COL24A1: variants seen among roughly 807,000 people sequenced by gnomAD.
The protein encoded by COL24A1 is collagen alpha-1(XXIV) chain.
A neutral mutation model predicts 253.9 loss-of-function variants in COL24A1; 224 were observed. That is an observed-to-expected ratio of 0.88 (90% CI 0.79 to 0.99). The LOEUF (loss-of-function observed/expected upper bound fraction) is 0.99. COL24A1 is among the 50% of genes least tolerant of loss of function. The pLI is 0.00. For synonymous variants in COL24A1, 685 were observed against 673.7 expected, an observed-to-expected ratio of 1.02 and a Z score of -0.26; for missense variants, 2,131 against 2,068.5, an observed-to-expected ratio of 1.03 and a Z score of -0.59.
chr1:85,997,262 G>A (rs1694920085), intron 19 of COL24A1, among the ~76,000 whole-genome samples: 1 of 151,550 alleles, frequency 6.6e-6, no homozygotes, highest in South Asian at 2.1e-4. Flanking sequence ...GCAAAGGCAC[G>A]TTTAAAACTG....
At chr1:85,734,558 AG>A (rs1378071243) in intron 59 of COL24A1, among the ~76,000 whole-genome samples, 190 bp downstream of exon 59, 1 of 152,206 alleles carries the variant, frequency 6.6e-6, no homozygotes, top group Non-Finnish European at 1.5e-5. Flanking sequence ...GTATGACACA[AG>A]TTGATAAGGT....
At chr1:86,002,116 T>C (rs1695473678) in intron 19 of COL24A1, among the ~76,000 whole-genome samples, 1 of 152,224 alleles carries the variant, frequency 6.6e-6, no homozygotes, top group Non-Finnish European at 1.5e-5. Flanking sequence ...AAGAGGAGCA[T>C]AAAAGGCAGA....
At chr1:86,089,373 G>T in intron 6 of COL24A1, 146 bp from the exon 7 acceptor site, 1 of 696,428 alleles carries the variant, frequency 1.4e-6, no homozygotes, top group East Asian at 2.9e-5. Context: ...TGTTTCTGAG[G>T]CTTCCTGCCT....
chr1:85,761,068 G>A (rs1379328446), intron 55 of COL24A1, among the ~76,000 whole-genome samples: 1 of 152,102 alleles, frequency 6.6e-6, no homozygotes, highest in African/African-American at 2.4e-5. Context: ...AAAAAGGAGA[G>A]TGAAGATGTA....
chr1:86,134,742 G>C (rs76519538), intron 2 of COL24A1, among the ~76,000 whole-genome samples: 1 of 6,566 alleles, frequency 1.5e-4, no homozygotes, highest in African/African-American at 2.0e-4. Context: ...GTTCTTTTAC[G>C]TTTGCCGAGG....
At chr1:86,111,387 A>G (rs577689190) in intron 5 of COL24A1, among the ~76,000 whole-genome samples, 439 of 152,200 alleles carry the variant, frequency 2.9e-3, no homozygotes, top group Non-Finnish European at 4.6e-3. Context: ...GGGGACTTGG[A>G]GAACTTTTAT....
chr1:85,768,101 C>A (rs924056475), intron 53 of COL24A1, among the ~76,000 whole-genome samples: 7 of 151,994 alleles, frequency 4.6e-5, no homozygotes, highest in South Asian at 2.1e-4. Context: ...GAGCAGAGAC[C>A]TGAATATTGA....
At chr1:85,915,873 C>T (rs11578980) in intron 24 of COL24A1, among the ~76,000 whole-genome samples, 10,077 of 152,068 alleles carry the variant, frequency 0.066, 659 homozygotes, top group Admixed American at 0.2. Flanking sequence ...AGGCTAGTCT[C>T]GAACTCCAGA....
chr1:85,927,394 C>A (rs4634934), intron 24 of COL24A1, among the ~76,000 whole-genome samples: 1 of 147,502 alleles, frequency 6.8e-6, no homozygotes, highest in Non-Finnish European at 1.5e-5. Context: ...AACGGCGCAC[C>A]ACGAGACTAT....
intron 24 of COL24A1, among the ~76,000 whole-genome samples, chr1:85,958,581 C>T (rs1185033433): frequency 1.3e-5 from 2 of 152,076 alleles, no homozygotes; most frequent in African/African-American, 2.4e-5. Context: ...TATGGAAGAA[C>T]CTATTTGAGT....
At chr1:85,825,750 T>C (rs1267480703) in intron 43 of COL24A1, among the ~76,000 whole-genome samples, 2 of 137,522 alleles carry the variant, frequency 1.5e-5, no homozygotes, top group Admixed American at 7.6e-5. Context: ...TCATGTCCTT[T>C]GCCCACTTTT....
chr1:85,882,613 A>G (rs1681993163), intron 32 of COL24A1, among the ~76,000 whole-genome samples: 1 of 152,216 alleles, frequency 6.6e-6, no homozygotes, highest in Non-Finnish European at 1.5e-5. Context: ...ATATTTTATA[A>G]ATGTAAATTA....
intron 19 of COL24A1, among the ~76,000 whole-genome samples, chr1:85,991,516 C>G (rs542670691): frequency 1.6e-3 from 244 of 152,124 alleles, no homozygotes; most frequent in Middle Eastern, 3.2e-3. Context: ...TAGTCTTGAC[C>G]TGTGTGGTAG....
chr1:85,851,244 CTTT>C lies in COL24A1; in HGVS notation c.3301-1841_3301-1839del, dbSNP rs1424498218. On this transcript the variant is annotated intron_variant, in intron 37 of 59. Coordinates refer to ENST00000370571, the MANE Select transcript of COL24A1 (RefSeq NM_152890.7). ...TACTTTATGTGTTCTCCTGAAACTTCTTTTTAACACATTTTTGTTTTGAAATTA... is the reference window on the plus strand; with the variant it reads ...TACTTTATGTGTTCTCCTGAAACTTCTTAACACATTTTTGTTTTGAAATTA... Among the ~76,000 whole-genome samples the C allele has an allele frequency of 2.0e-5, 3 of 151,980 alleles. No homozygotes were observed. In the East Asian group the frequency reaches 5.8e-4, roughly 29 times the overall value.
intron 45 of COL24A1, among the ~76,000 whole-genome samples, chr1:85,820,477 C>T (rs1445017156): frequency 1.3e-5 from 2 of 152,184 alleles, no homozygotes; most frequent in Non-Finnish European, 2.9e-5. Context: ...GGTCAAAATA[C>T]TTCTGGCAGG....
intron 2 of COL24A1, among the ~76,000 whole-genome samples, chr1:86,136,569 A>C (rs1650284546): frequency 6.6e-6 from 1 of 152,102 alleles, no homozygotes; most frequent in Admixed American, 6.6e-5. Flanking sequence ...CCATTTCACA[A>C]ATGAAAAATC....
intron 19 of COL24A1, among the ~76,000 whole-genome samples, chr1:85,998,302 G>A (rs1695055843): frequency 6.6e-6 from 1 of 152,066 alleles, no homozygotes; most frequent in Non-Finnish European, 1.5e-5. Context: ...TGTACTCCAT[G>A]CCCCTGGTTC....
At chr1:85,889,924 T>C (rs1038160488) in intron 31 of COL24A1, among the ~76,000 whole-genome samples, 3 of 152,084 alleles carry the variant, frequency 2.0e-5, no homozygotes, top group Admixed American at 2.0e-4. Context: ...TTTTTTTCTA[T>C]TTCCTGGCAA....
intron 55 of COL24A1, among the ~76,000 whole-genome samples, chr1:85,756,916 A>G (rs866771966): frequency 1.5e-4 from 23 of 152,248 alleles, no homozygotes; most frequent in Non-Finnish European, 3.4e-4. Flanking sequence ...AAAGAGATGA[A>G]CCCTGAAGAT....
Sources: allele counts gnomAD v4.1 joint callset (sites outside exome capture counted in the v4.1 genomes callset), GRCh38; gene constraint gnomAD v4.1.1; transcripts MANE v1.5; gene names NCBI Gene and HGNC (gene_info 2026-07-23, HGNC 2026-07-21).